Variants in UBE2N observed in about 807,000 individuals in gnomAD.
The protein encoded by UBE2N is ubiquitin conjugating enzyme E2 N.
For missense variants in UBE2N, 60 were observed against 192.1 expected, an observed-to-expected ratio of 0.31 and a Z score of 4.07; for synonymous variants, 70 against 69.2, an observed-to-expected ratio of 1.01 and a Z score of -0.06.
chr12:93,412,963 GCTT>G (rs1592740083), intron 1 of UBE2N, among the ~76,000 whole-genome samples: 1 of 152,276 alleles, frequency 6.6e-6, no homozygotes, highest in East Asian at 1.9e-4. Flanking sequence ...AATAAATTTT[GCTT>G]CTAAGAGAAG....
At chr12:93,440,944 C>T (rs542960395) in intron 1 of UBE2N, among the ~76,000 whole-genome samples, 21 of 152,134 alleles carry the variant, frequency 1.4e-4, no homozygotes, top group African/African-American at 4.8e-4. Flanking sequence ...ACGAGATCCC[C>T]CACAGAGGCC....
chr12:93,412,638 G>A (rs1027218482), intron 1 of UBE2N, among the ~76,000 whole-genome samples: 14 of 152,234 alleles, frequency 9.2e-5, no homozygotes, highest in African/African-American at 3.1e-4. Flanking sequence ...CCCTACTGCT[G>A]TGTCCGGTTT....
intron 1 of UBE2N, among the ~76,000 whole-genome samples, chr12:93,428,956 G>A (rs1447423761): frequency 6.6e-6 from 1 of 152,082 alleles, no homozygotes; most frequent in Non-Finnish European, 1.5e-5. Flanking sequence ...TAAAGACAGG[G>A]TCCTGGACAG....
chr12:93,435,728 G>GA (rs1282727846), intron 1 of UBE2N, among the ~76,000 whole-genome samples: 1 of 151,998 alleles, frequency 6.6e-6, no homozygotes, highest in East Asian at 1.9e-4. Flanking sequence ...ACAGTAACAG[G>GA]AAAAAATGTG....
intron 1 of UBE2N, among the ~76,000 whole-genome samples, chr12:93,425,896 T>G (rs1878565559): frequency 6.6e-6 from 1 of 152,232 alleles, no homozygotes; most frequent in Non-Finnish European, 1.5e-5. Flanking sequence ...ATAAGCATTT[T>G]CCTCAATTTA....
chr12:93,414,719 C>G (rs1297549885), intron 1 of UBE2N, among the ~76,000 whole-genome samples: 1 of 152,122 alleles, frequency 6.6e-6, no homozygotes, highest in Non-Finnish European at 1.5e-5. Flanking sequence ...TTCATGTTTT[C>G]TCAGTGAAGC....
At chr12:93,414,433 A>T (rs1681914404) in intron 1 of UBE2N, among the ~76,000 whole-genome samples, 1 of 140,902 alleles carries the variant, frequency 7.1e-6, no homozygotes, top group South Asian at 2.2e-4. Context: ...TAGGCAAAAG[A>T]GCGAAGCTCC....
chr12:93,441,447 G>A (rs1879105226), intron 1 of UBE2N, among the ~76,000 whole-genome samples: 1 of 152,168 alleles, frequency 6.6e-6, no homozygotes. Context: ...ACCTTGTCGG[G>A]CCACAATCCC....
At chr12:93,425,624 C>G (rs1878557102) in intron 1 of UBE2N, among the ~76,000 whole-genome samples, 1 of 152,172 alleles carries the variant, frequency 6.6e-6, no homozygotes, top group Non-Finnish European at 1.5e-5. Flanking sequence ...AGGAAAACCA[C>G]TGACTGGGTT....
chr12:93,411,021 T>G, intron 2 of UBE2N, 32 bp downstream of exon 2: 1 of 1,613,984 alleles, frequency 6.2e-7, no homozygotes, highest in Non-Finnish European at 8.5e-7. Flanking sequence ...GAAAGCTTAA[T>G]AATAGCATAT....
At chr12:93,431,204 G>A (rs2121090858) in intron 1 of UBE2N, among the ~76,000 whole-genome samples, 1 of 152,230 alleles carries the variant, frequency 6.6e-6, no homozygotes, top group Non-Finnish European at 1.5e-5. Context: ...TCCCAGCCTG[G>A]GCAACAAGAG....
intron 1 of UBE2N, among the ~76,000 whole-genome samples, chr12:93,432,476 CAAA>C (rs1277904471): frequency 1.8e-5 from 2 of 109,096 alleles, no homozygotes; most frequent in Non-Finnish European, 4.1e-5. Flanking sequence ...TTAAGAGTCA[CAAA>C]AAAAAAAAAA....
intron 1 of UBE2N, among the ~76,000 whole-genome samples, chr12:93,413,685 G>GT (rs553843197): frequency 7.6e-4 from 115 of 151,924 alleles, no homozygotes; most frequent in African/African-American, 2.6e-3. Context: ...TGGCAAATTG[G>GT]TTTTTTTTAT....
At chr12:93,418,572 C>T (rs1878296931) in intron 1 of UBE2N, among the ~76,000 whole-genome samples, 1 of 142,592 alleles carries the variant, frequency 7.0e-6, no homozygotes, top group South Asian at 2.1e-4. Context: ...CAAAGTTTTG[C>T]TCAAGCTCCC....
At chr12:93,418,608 T>C (rs571215316) in intron 1 of UBE2N, among the ~76,000 whole-genome samples, 2 of 151,722 alleles carry the variant, frequency 1.3e-5, no homozygotes, top group South Asian at 4.1e-4. Context: ...TTACAAATCA[T>C]AAGGCCACCT....
chr12:93,416,511 G>A (rs1449096270), intron 1 of UBE2N, among the ~76,000 whole-genome samples: 2 of 150,734 alleles, frequency 1.3e-5, no homozygotes, highest in East Asian at 3.9e-4. Flanking sequence ...GCAGTGGCAC[G>A]ATCTTGGCTC....
chr12:93,409,578 T>C lies in UBE2N; in HGVS notation c.*461A>G, dbSNP rs1218708349. 1 of 168,548 alleles carries C rather than the reference T, an allele frequency of 5.9e-6. No individual in the cohort carries two copies. Among genetic ancestry groups the C allele is most frequent in the East Asian group, 1.9e-4 (1 of 5,230 alleles). 10.4% of individuals were successfully genotyped at this position (168,548 alleles called of 1,614,324 possible). On this transcript the variant is annotated 3_prime_UTR_variant, in exon 4 of 4. Coordinates refer to ENST00000318066, the MANE Select transcript of UBE2N (RefSeq NM_003348.4). ...TAAAGTTAGACTTGGCTAGAGCATA[T>C]TCTAAAGACCTGGTTAGCTGCTTTT... is the stretch of plus-strand genomic sequence containing the variant.
chr12:93,434,087 T>C (rs1878849129), intron 1 of UBE2N, among the ~76,000 whole-genome samples: 1 of 152,070 alleles, frequency 6.6e-6, no homozygotes, highest in Non-Finnish European at 1.5e-5. Context: ...GGTCAGGAGA[T>C]TGAAACCATC....
intron 1 of UBE2N, among the ~76,000 whole-genome samples, chr12:93,422,709 G>A (rs1026242929): frequency 2.0e-5 from 3 of 151,890 alleles, no homozygotes; most frequent in Non-Finnish European, 4.4e-5. Flanking sequence ...TGTAAAAAAT[G>A]ATGTAGATTG....
Sources: gnomAD v4.1 joint callset for allele counts (sites outside exome capture counted in the v4.1 genomes callset) on GRCh38, gnomAD v4.1.1 for gene constraint, MANE v1.5 for transcripts, NCBI Gene and HGNC (gene_info 2026-07-23, HGNC 2026-07-21) for gene names.